The following XKR4 variants were observed in gnomAD, a reference collection of about 807,000 sequenced individuals.
The protein encoded by XKR4 is XK related 4.
XKR4 carries 12 observed loss-of-function variants against 53.9 expected under a neutral mutation model. That is an observed-to-expected ratio of 0.22 (90% CI 0.14 to 0.36). The LOEUF (loss-of-function observed/expected upper bound fraction) is 0.36, where lower values mean the gene tolerates loss of function less well. XKR4 is among the 10% of genes least tolerant of loss of function. The probability of loss-of-function intolerance (pLI) is 1.00; values close to 1 mark genes in which losing one functional copy is unlikely to be tolerated. For synonymous variants in XKR4, 354 were observed against 362.4 expected (o/e 0.98, Z 0.26); for missense variants, 799 against 859.5 (o/e 0.93, Z 0.88).
At chr8:55,337,849 A>C (rs1803484862) in intron 1 of XKR4, among the ~76,000 whole-genome samples, 2 of 152,220 alleles carry the variant, frequency 1.3e-5, no homozygotes, top group Admixed American at 1.3e-4. Flanking sequence ...TAGTTTTCTT[A>C]TTCTTGACAG....
intron 1 of XKR4, chr8:55,140,190 C>A: frequency 2.4e-6 from 1 of 419,998 alleles, no homozygotes; most frequent in Non-Finnish European, 4.7e-6. Context: ...CTTTATTTAT[C>A]TCAAAGGTGA....
intron 1 of XKR4, chr8:55,164,866 T>G (rs1817044086): frequency 6.1e-6 from 1 of 164,712 alleles, no homozygotes; most frequent in African/African-American, 2.4e-5. Context: ...TACCAAAAAG[T>G]AGTATGCTGT....
chr8:55,408,836 G>T (rs1191287690), intron 2 of XKR4, among the ~76,000 whole-genome samples: 1 of 152,010 alleles, frequency 6.6e-6, no homozygotes, highest in East Asian at 1.9e-4. Context: ...GTGAAACCCT[G>T]TCCCTACCAA....
intron 1 of XKR4, among the ~76,000 whole-genome samples, chr8:55,347,309 A>G (rs1803663597): frequency 6.6e-6 from 1 of 152,200 alleles, no homozygotes; most frequent in Admixed American, 6.5e-5. Flanking sequence ...TGCAATTTAC[A>G]TGTTCAGAAT....
In XKR4 at chr8:55,536,325, G is replaced by A. The variant is rs1194218507; in HGVS notation, c.*12098G>A. ...CCCTCAAGCTCTGATTCTTCCTCCTGACTAAGTTTCTTTTCTTTGGGGGGC... is the reference window on the plus strand; with the variant it reads ...CCCTCAAGCTCTGATTCTTCCTCCTAACTAAGTTTCTTTTCTTTGGGGGGC... On this transcript the variant is annotated 3_prime_UTR_variant, in exon 3 of 3. Transcript: ENST00000327381. 2.6e-5 allele frequency: 4 copies of A among 152,160 alleles called. No homozygotes were observed. Among genetic ancestry groups the A allele is most frequent in the Non-Finnish European group, 4.4e-5 (3 of 68,008 alleles). The allele number at this position is 152,160 out of a possible 1,614,324, so 9.4% of individuals were successfully genotyped here.
chr8:55,365,287 T>G (rs546017424), intron 2 of XKR4, among the ~76,000 whole-genome samples: 2 of 152,238 alleles, frequency 1.3e-5, no homozygotes, highest in Admixed American at 6.5e-5. Flanking sequence ...AGTCTTCCAG[T>G]GGGTCCAAAC....
At chr8:55,330,731 G>A (rs924209358) in intron 1 of XKR4, among the ~76,000 whole-genome samples, 1 of 152,080 alleles carries the variant, frequency 6.6e-6, no homozygotes, top group African/African-American at 2.4e-5. Context: ...TCCATGATAA[G>A]GCTCATTCCC....
intron 1 of XKR4, among the ~76,000 whole-genome samples, chr8:55,131,565 C>A (rs1180792560): frequency 6.6e-6 from 1 of 152,176 alleles, no homozygotes; most frequent in East Asian, 1.9e-4. Flanking sequence ...CAGTTTGAAT[C>A]TCTTCAGCAC....
intron 1 of XKR4, among the ~76,000 whole-genome samples, chr8:55,148,164 C>T (rs1419960149): frequency 3.3e-5 from 5 of 152,200 alleles, no homozygotes; most frequent in Non-Finnish European, 5.9e-5. Flanking sequence ...GGAAACATTT[C>T]ACAAAGGCAT....
chr8:55,264,088 C>T (rs1204846558), intron 1 of XKR4, among the ~76,000 whole-genome samples: 4 of 152,190 alleles, frequency 2.6e-5, no homozygotes, highest in Non-Finnish European at 5.9e-5. Context: ...TGCTGCTATG[C>T]TGGCCTCCTT....
chr8:55,368,811 T>C (rs1300091251), intron 2 of XKR4, among the ~76,000 whole-genome samples: 1 of 152,240 alleles, frequency 6.6e-6, no homozygotes, highest in African/African-American at 2.4e-5. Context: ...TACTTCAGTT[T>C]GTATTGGCTT....
At position 55,452,012 on chromosome 8, in the gene XKR4, G is replaced by A. The variant is rs186620667; in HGVS notation, c.1007-71269G>A. 138 of 769,550 alleles carry A rather than the reference G, an allele frequency of 1.8e-4. No individual in the cohort carries two copies. The African/African-American group carries it at 1.9e-3, about 10-fold the overall frequency. The allele number at this position is 769,550 out of a possible 1,614,324, so 47.7% of individuals were successfully genotyped here. Reference sequence around the variant, plus strand: ...GCTGCCGCCCGATGGTCTTCTTGACGTTCTTAACCAGGTTCCAGGACAGGG... The same window carrying A: ...GCTGCCGCCCGATGGTCTTCTTGACATTCTTAACCAGGTTCCAGGACAGGG... On this transcript the variant is annotated intron_variant, in intron 2 of 2. Transcript: ENST00000327381.
chr8:55,375,918 C>A (rs1804145070), intron 2 of XKR4, among the ~76,000 whole-genome samples: 5 of 152,022 alleles, frequency 3.3e-5, no homozygotes, highest in African/African-American at 1.2e-4. Context: ...TGTGTTGTTC[C>A]CTGCCATGTG....
At chr8:55,185,337 T>C (rs779120735) in intron 1 of XKR4, among the ~76,000 whole-genome samples, 38 of 152,250 alleles carry the variant, frequency 2.5e-4, no homozygotes, top group Non-Finnish European at 5.0e-4. Flanking sequence ...ATAATTCCTG[T>C]TGAAAGGTCA....
At position 55,259,071 on chromosome 8, in the gene XKR4, C is replaced by T. The variant is rs557641982; in HGVS notation, c.807-98607C>T. The stretch of plus-strand genomic sequence containing the variant: ...GCCTGCAGGGAAAATGCCTGGGACT[C>T]TTTAAGCCACCATGTTCTACAACAC... On this transcript the variant is annotated intron_variant, in intron 1 of 2. Coordinates refer to ENST00000327381, the MANE Select transcript of XKR4 (RefSeq NM_052898.2). 2.0e-5 allele frequency among the ~76,000 whole-genome samples: 3 copies of T among 152,322 alleles called. No individual in the cohort carries two copies. In the East Asian group the frequency reaches 5.8e-4, roughly 29 times the overall value.
At chr8:55,143,042 G>T (rs1353899818) in intron 1 of XKR4, among the ~76,000 whole-genome samples, 4 of 151,872 alleles carry the variant, frequency 2.6e-5, no homozygotes, top group African/African-American at 9.7e-5. Flanking sequence ...ATTTTTGTCT[G>T]ACTTCTTTCA....
At chr8:55,449,558 G>C in intron 2 of XKR4, 1 of 1,487,318 alleles carries the variant, frequency 6.7e-7, no homozygotes, top group South Asian at 1.1e-5. Context: ...CTGCTGGGCT[G>C]AGGGCACGTC....
chr8:55,402,586 G>T (rs1382440146), intron 2 of XKR4, among the ~76,000 whole-genome samples: 1 of 152,194 alleles, frequency 6.6e-6, no homozygotes, highest in Non-Finnish European at 1.5e-5. Context: ...ATCCATTTCT[G>T]CAGCTTGTAT....
At chr8:55,153,966 A>G (rs1375034409) in intron 1 of XKR4, among the ~76,000 whole-genome samples, 1 of 152,222 alleles carries the variant, frequency 6.6e-6, no homozygotes. Flanking sequence ...TTCCCAGGAA[A>G]AGTAAACACA....
Sources: allele counts gnomAD v4.1 joint callset (sites outside exome capture counted in the v4.1 genomes callset), GRCh38; gene constraint gnomAD v4.1.1; transcripts MANE v1.5; gene names NCBI Gene and HGNC (gene_info 2026-07-23, HGNC 2026-07-21).